The following HDAC4 variants were observed in gnomAD, a reference collection of about 807,000 sequenced individuals.
The protein encoded by HDAC4 is histone deacetylase A.
In HDAC4, 16 loss-of-function variants were observed where a neutral mutation model predicts 135.1. The observed-to-expected ratio is 0.12, with a 90% confidence interval of 0.08 to 0.18. The LOEUF (loss-of-function observed/expected upper bound fraction) is 0.18, where lower values mean the gene tolerates loss of function less well. HDAC4 is among the 10% of genes least tolerant of loss of function. The pLI, the probability that HDAC4 is intolerant of heterozygous loss-of-function variation, is 1.00. For synonymous variants in HDAC4, 685 were observed against 653.4 expected (o/e 1.05, Z -0.74); for missense variants, 1,143 against 1,511.8 (o/e 0.76, Z 4.05).
intron 2 of HDAC4, among the ~76,000 whole-genome samples, chr2:239,271,554 G>A (rs1256136690): frequency 6.6e-6 from 1 of 152,240 alleles, no homozygotes; most frequent in Non-Finnish European, 1.5e-5. Context: ...TATGAGAGCC[G>A]ATTCTGCCGG....
intron 24 of HDAC4, among the ~76,000 whole-genome samples, chr2:239,065,756 A>G (rs938941258): frequency 1.3e-5 from 2 of 152,154 alleles, no homozygotes; most frequent in Non-Finnish European, 2.9e-5. Flanking sequence ...ATCTGGACAC[A>G]TGGCCCTTGA....
chr2:239,338,634 A>G (rs1391706499), intron 2 of HDAC4, among the ~76,000 whole-genome samples: 1 of 152,198 alleles, frequency 6.6e-6, no homozygotes, highest in Non-Finnish European at 1.5e-5. Flanking sequence ...AATTCCTTTT[A>G]TTTTTCTAAG....
intron 5 of HDAC4, among the ~76,000 whole-genome samples, chr2:239,172,491 T>A (rs1040229266): frequency 1.3e-5 from 2 of 151,960 alleles, no homozygotes; most frequent in Non-Finnish European, 1.5e-5. Context: ...TCAAAACTTG[T>A]GGGATGCAGA....
chr2:239,371,033 G>GAGTC (rs1346595062), intron 1 of HDAC4, among the ~76,000 whole-genome samples: 1 of 152,190 alleles, frequency 6.6e-6, no homozygotes, highest in Non-Finnish European at 1.5e-5. Flanking sequence ...GTCGCCCCCA[G>GAGTC]AGTCAGTCAC....
intron 17 of HDAC4, chr2:239,094,016 C>G (rs1394383538): frequency 2.2e-5 from 22 of 985,238 alleles, no homozygotes; most frequent in African/African-American, 3.5e-5. Context: ...AGGAAGAAAA[C>G]AATTTTGTTT....
At chr2:239,340,486 C>A (rs538667410) in intron 2 of HDAC4, among the ~76,000 whole-genome samples, 1 of 152,150 alleles carries the variant, frequency 6.6e-6, no homozygotes. Context: ...CAGAGGAGGA[C>A]CATGGTGGGG....
At chr2:239,252,933 C>T (rs891942387) in intron 2 of HDAC4, among the ~76,000 whole-genome samples, 14 of 152,276 alleles carry the variant, frequency 9.2e-5, no homozygotes, top group African/African-American at 2.9e-4. Context: ...ACCTGCGCTT[C>T]GCCGGCCACC....
intron 2 of HDAC4, among the ~76,000 whole-genome samples, chr2:239,263,715 A>G (rs147728637): frequency 1.3e-3 from 195 of 152,290 alleles, no homozygotes; most frequent in African/African-American, 4.6e-3. Flanking sequence ...TGTTAACCAC[A>G]TCTGAAGGGG....
intron 8 of HDAC4, among the ~76,000 whole-genome samples, chr2:239,143,779 G>A (rs1248729180): frequency 2.0e-5 from 3 of 152,244 alleles, no homozygotes; most frequent in Admixed American, 2.0e-4. Context: ...TCAACAGCCT[G>A]CTCAGTGGAA....
intron 16 of HDAC4, among the ~76,000 whole-genome samples, chr2:239,099,236 G>A (rs572486814): frequency 5.9e-5 from 9 of 152,318 alleles, no homozygotes; most frequent in African/African-American, 2.2e-4. Context: ...ACTGAAGGTG[G>A]TAGGGGATGG....
chr2:239,111,835 G>A (rs2038703275), intron 13 of HDAC4, 123 bp from the exon 14 acceptor site: 5 of 907,180 alleles, frequency 5.5e-6, no homozygotes, highest in South Asian at 4.5e-5. Context: ...GGGCCACAAG[G>A]ATGCCGGGAG....
intron 11 of HDAC4, among the ~76,000 whole-genome samples, chr2:239,133,946 C>T (rs1205045762): frequency 1.3e-5 from 2 of 152,346 alleles, no homozygotes; most frequent in East Asian, 1.9e-4. Flanking sequence ...GGGCTTCCAG[C>T]GCTGGCTCAG....
At position 239,049,633 on chromosome 2, in the gene HDAC4, C is replaced by T. The variant is rs539584245; in HGVS notation, c.*3464G>A. On this transcript the variant is annotated 3_prime_UTR_variant, in exon 27 of 27. Coordinates refer to ENST00000543185, the MANE Select transcript of HDAC4 (RefSeq NM_001378414.1). ...AGTCCATTGCTAGTGCTGCAAAAAT[C>T]AAACTTGCTTTTGTGTCAGACCATT... The T allele has an allele frequency of 6.5e-6, 1 of 152,674 alleles. No homozygotes were observed. The highest frequency in any genetic ancestry group is 2.1e-4 in the South Asian group (1 of 4,832). 9.5% of individuals were successfully genotyped at this position (152,674 alleles called of 1,614,324 possible).
intron 2 of HDAC4, among the ~76,000 whole-genome samples, chr2:239,328,507 A>G (rs547100637): frequency 2.0e-5 from 3 of 152,354 alleles, no homozygotes; most frequent in South Asian, 4.1e-4. Context: ...CCTCACACAC[A>G]GGGATCTTTC....
In HDAC4 at chr2:239,295,029, C is replaced by T. The variant is rs751487209; in HGVS notation, c.22+57649G>A. On this transcript the variant is annotated intron_variant, in intron 2 of 26. Transcript: ENST00000543185. ...ATAATGTGAAAAGATGATTATAGGC[C>T]GGGCGCGGTGGCTCACGCCTGTAAT... is the stretch of plus-strand genomic sequence containing the variant. Among the ~76,000 whole-genome samples, 247 of 152,190 alleles carry T rather than the reference C, an allele frequency of 1.6e-3. 1 individual carries two copies. Among genetic ancestry groups the T allele is most frequent in the Non-Finnish European group, 2.9e-3 (199 of 67,992 alleles).
chr2:239,278,534 G>A (rs1463297822), intron 2 of HDAC4, among the ~76,000 whole-genome samples: 1 of 152,190 alleles, frequency 6.6e-6, no homozygotes, highest in Non-Finnish European at 1.5e-5. Flanking sequence ...AATTAGCCGG[G>A]CATGGTGATG....
At chr2:239,248,668 C>T (rs1020461867) in intron 2 of HDAC4, among the ~76,000 whole-genome samples, 1 of 152,188 alleles carries the variant, frequency 6.6e-6, no homozygotes, top group African/African-American at 2.4e-5. Flanking sequence ...CTCTGGGTTT[C>T]ATTCACAGAA....
chr2:239,103,202 C>G (rs2037815537), intron 15 of HDAC4, among the ~76,000 whole-genome samples: 1 of 152,198 alleles, frequency 6.6e-6, no homozygotes, highest in Non-Finnish European at 1.5e-5. Flanking sequence ...CAAATTATTA[C>G]TTTGCTTTCC....
chr2:239,061,974 G>T (rs773584214), intron 24 of HDAC4, among the ~76,000 whole-genome samples: 1 of 152,226 alleles, frequency 6.6e-6, no homozygotes, highest in African/African-American at 2.4e-5. Context: ...CTAACCTCCC[G>T]GGGGCACGGG....
Sources: gnomAD v4.1 joint callset for allele counts (sites outside exome capture counted in the v4.1 genomes callset) on GRCh38, gnomAD v4.1.1 for gene constraint, MANE v1.5 for transcripts, NCBI Gene and HGNC (gene_info 2026-07-23, HGNC 2026-07-21) for gene names.